OCA2: variants seen among roughly 807,000 people sequenced by gnomAD.
OCA2 encodes OCA2 melanosomal transmembrane protein, also known as P protein.
A neutral mutation model predicts 100.2 loss-of-function variants in OCA2; 77 were observed. That is an observed-to-expected ratio of 0.77 (90% CI 0.64 to 0.93). The LOEUF (loss-of-function observed/expected upper bound fraction) is 0.93, where lower values mean the gene tolerates loss of function less well. Ranked by LOEUF, OCA2 falls within the 40% of genes least tolerant of loss-of-function variation. OCA2 has a pLI of 0.00. For missense variants in OCA2, 1,062 were observed against 1,089.1 expected, an observed-to-expected ratio of 0.98 and a Z score of 0.35; for synonymous variants, 432 against 439.2, an observed-to-expected ratio of 0.98 and a Z score of 0.21.
At chr15:28,085,277 C>A (rs1325026159) in intron 1 of OCA2, among the ~76,000 whole-genome samples, 1 of 152,174 alleles carries the variant, frequency 6.6e-6, no homozygotes, top group African/African-American at 2.4e-5. Context: ...CCTTTCACTC[C>A]CAGCTGCTGC....
At chr15:27,742,933 G>A in the OCA2 span, among the ~76,000 whole-genome samples, 12 of 152,274 alleles carry the variant, frequency 7.9e-5, no homozygotes, top group South Asian at 2.1e-4. Flanking sequence ...GCCATCTTCC[G>A]TTTCTTCTGT....
Position 27,824,578 on chromosome 15 carries a change from T to TTCTCTCTC in OCA2, c.2432+20373_2432+20380dup, listed in dbSNP as rs368293640. Among the ~76,000 whole-genome samples, 206 of 53,588 alleles carry TTCTCTCTC rather than the reference T, an allele frequency of 3.8e-3. 21 individuals carry two copies. The highest frequency in any genetic ancestry group is 0.021 in the African/African-American group (164 of 7,762). 35.2% of individuals were successfully genotyped at this position (53,588 alleles called of 152,430 possible). On this transcript the variant is annotated intron_variant, in intron 23 of 23. Coordinates refer to ENST00000354638, the MANE Select transcript of OCA2 (RefSeq NM_000275.3). ...CTAATTTCTTTTGAATAAATACAAT[T>TTCTCTCTC]TCTCTCTCTCTCTCTCTCTCTCTCT... is the stretch of plus-strand genomic sequence containing the variant.
chr15:27,902,738 C>T (rs1046863843), intron 19 of OCA2, among the ~76,000 whole-genome samples: 34 of 152,330 alleles, frequency 2.2e-4, no homozygotes, highest in African/African-American at 7.9e-4. Flanking sequence ...AACTCTTCCT[C>T]TGCAGGCTGG....
intron 22 of OCA2, among the ~76,000 whole-genome samples, chr15:27,849,430 C>T (rs1461744931): frequency 6.6e-6 from 1 of 152,178 alleles, no homozygotes; most frequent in East Asian, 1.9e-4. Context: ...TTGCCTCCAC[C>T]TCTGCTTTCC....
intron 19 of OCA2, among the ~76,000 whole-genome samples, chr15:27,910,893 T>C (rs1374637478): frequency 6.6e-6 from 1 of 151,094 alleles, no homozygotes; most frequent in Non-Finnish European, 1.5e-5. Flanking sequence ...GAGGCAGAGG[T>C]TGCAGTGAGC....
intron 1 of OCA2, among the ~76,000 whole-genome samples, chr15:28,084,889 G>A (rs1181399401): frequency 1.3e-5 from 2 of 152,226 alleles, no homozygotes; most frequent in African/African-American, 2.4e-5. Context: ...TCTGGAGAGC[G>A]AGCAGCAGTG....
chr15:27,746,933 G>T, the OCA2 span, among the ~76,000 whole-genome samples: 1 of 152,122 alleles, frequency 6.6e-6, no homozygotes, highest in African/African-American at 2.4e-5. Flanking sequence ...CAGACCTCCT[G>T]GCTGTAACAA....
intron 17 of OCA2, 115 bp from the exon 18 acceptor site, chr15:27,952,007 C>T: frequency 1.3e-6 from 1 of 786,502 alleles, no homozygotes; most frequent in South Asian, 1.5e-5. Flanking sequence ...AAAATGTAAC[C>T]TCTCGAACTT....
intron 23 of OCA2, among the ~76,000 whole-genome samples, chr15:27,807,066 G>A (rs942708560): frequency 2.2e-5 from 3 of 134,622 alleles, no homozygotes; most frequent in African/African-American, 5.9e-5. Flanking sequence ...CTGTCTACCC[G>A]CCAGCATTCT....
intron 23 of OCA2, among the ~76,000 whole-genome samples, chr15:27,771,252 A>C (rs1432608190): frequency 1.3e-5 from 2 of 151,418 alleles, no homozygotes; most frequent in Non-Finnish European, 2.9e-5. Context: ...CTCACAGCAA[A>C]TCGCCCCACT....
chr15:28,096,043 C>T (rs1010573863), intron 1 of OCA2, among the ~76,000 whole-genome samples: 1 of 152,152 alleles, frequency 6.6e-6, no homozygotes, highest in Non-Finnish European at 1.5e-5. Context: ...ATGGCTGTGT[C>T]TCTCGGAGCA....
chr15:27,880,712 T>C (rs1466147765), intron 19 of OCA2, among the ~76,000 whole-genome samples: 1 of 152,196 alleles, frequency 6.6e-6, no homozygotes, highest in Non-Finnish European at 1.5e-5. Flanking sequence ...TGTTTTTGTA[T>C]CCTGAGACTT....
At chr15:27,734,942 A>G in the OCA2 span, among the ~76,000 whole-genome samples, 34 of 152,228 alleles carry the variant, frequency 2.2e-4, no homozygotes, top group Admixed American at 8.5e-4. Context: ...ATATGACCAC[A>G]AGGATGAAGA....
At chr15:28,053,499 A>C (rs1389181559) in intron 2 of OCA2, among the ~76,000 whole-genome samples, 1 of 152,080 alleles carries the variant, frequency 6.6e-6, no homozygotes, top group Non-Finnish European at 1.5e-5. Context: ...AGCATTTCTC[A>C]AGGCATCACC....
At chr15:28,062,522 A>C (rs1464499936) in intron 2 of OCA2, among the ~76,000 whole-genome samples, 5 of 151,774 alleles carry the variant, frequency 3.3e-5, no homozygotes, top group African/African-American at 1.2e-4. Context: ...TTGTCTTTCC[A>C]CTTCTTGACA....
chr15:27,976,801 A>G (rs936729568), intron 14 of OCA2, among the ~76,000 whole-genome samples: 2 of 152,196 alleles, frequency 1.3e-5, no homozygotes, highest in Non-Finnish European at 2.9e-5. Context: ...AAAGCTTTGT[A>G]TAGAATTGGT....
At position 27,955,176 on chromosome 15, in the gene OCA2, G is replaced by A; in HGVS notation, c.1824C>T (p.Ile608=). ...TGGGTACCTTTTTTTGGAGTTCTTG[G>A]ATATTGGTCTCCCAATTTTTGTCCT... ...SQEDKNWETN[I]QELQKKHRIS... The change falls in exon 17 of 24, where the codon ATC becomes ATT. Residue 608 remains isoleucine, a synonymous_variant. Transcript: ENST00000354638. 1.2e-6 allele frequency: 2 copies of A among 1,612,138 alleles called. No individual in the cohort carries two copies. Among genetic ancestry groups the A allele is most frequent in the Non-Finnish European group, 1.7e-6 (2 of 1,178,142 alleles).
In OCA2 at chr15:28,079,663, G is replaced by T. The variant is rs536950328; in HGVS notation, c.227+1985C>A. ...GGGAGAAGCTCCGCATGGGAGGTGT[G>T]GCTCACTCATGAGGGCTCATGCCTG... On this transcript the variant is annotated intron_variant, in intron 2 of 23. Transcript: ENST00000354638. 4.1e-4 allele frequency among the ~76,000 whole-genome samples: 63 copies of T among 152,306 alleles called. No individual in the cohort carries two copies. The East Asian group carries it at 7.5e-3, about 18-fold the overall frequency.
At chr15:27,844,242 G>A (rs1010250132) in intron 23 of OCA2, among the ~76,000 whole-genome samples, 7 of 152,128 alleles carry the variant, frequency 4.6e-5, no homozygotes, top group Non-Finnish European at 7.4e-5. Flanking sequence ...CTCCTGAGAG[G>A]TGCCCACACA....
Sources: gnomAD v4.1 joint callset for allele counts (sites outside exome capture counted in the v4.1 genomes callset) on GRCh38, gnomAD v4.1.1 for gene constraint, MANE v1.5 for transcripts, NCBI Gene and HGNC (gene_info 2026-07-23, HGNC 2026-07-21) for gene names.